The following IFT43 variants were observed in gnomAD, a reference collection of about 807,000 sequenced individuals.
IFT43 encodes intraflagellar transport protein 43 homolog.
A neutral mutation model predicts 32.3 loss-of-function variants in IFT43; 33 were observed. The ratio of observed to expected loss-of-function variants is 1.02; its 90% CI spans 0.77 to 1.37. IFT43 has a LOEUF of 1.37. Among genes scored for constraint, IFT43 ranks in the 40% most tolerant of loss-of-function variants. IFT43 has a pLI of 0.00. For synonymous variants in IFT43, 93 were observed against 98.2 expected (o/e 0.95, Z 0.31); for missense variants, 274 against 265.9 (o/e 1.03, Z -0.21).
In IFT43 at chr14:75,986,377, G is replaced by T; in HGVS notation, c.54+537G>T. 1.2e-5 allele frequency: 11 copies of T among 949,192 alleles called. No individual in the cohort carries two copies. The South Asian group carries it at 2.0e-4, about 17-fold the overall frequency. 58.8% of individuals were successfully genotyped at this position (949,192 alleles called of 1,614,324 possible). A position where few individuals can be genotyped will look rare whatever the true frequency, so the allele number is the denominator to read the frequency against. ...TAGTTAAGGAAACCAAGACCGATTT[G>T]TAACGTGAGGGAGTGATTAGGTGCT... is the stretch of plus-strand genomic sequence containing the variant. On this transcript the variant is annotated intron_variant, in intron 1 of 8. Coordinates refer to ENST00000314067, the MANE Select transcript of IFT43 (RefSeq NM_001102564.3).
intron 2 of IFT43, among the ~76,000 whole-genome samples, chr14:75,990,040 G>A (rs2035606867): frequency 6.6e-6 from 1 of 152,204 alleles, no homozygotes; most frequent in Non-Finnish European, 1.5e-5. Flanking sequence ...GATAACATCT[G>A]TGCTGGCCTA....
chr14:76,050,548 G>A (rs892437867), intron 3 of IFT43, among the ~76,000 whole-genome samples: 32 of 152,080 alleles, frequency 2.1e-4, no homozygotes, highest in African/African-American at 7.7e-4. Flanking sequence ...TCTTAAACTC[G>A]TGGGCTGAAG....
intron 2 of IFT43, among the ~76,000 whole-genome samples, chr14:76,005,620 TC>T (rs1224515414): frequency 6.6e-6 from 1 of 152,240 alleles, no homozygotes; most frequent in African/African-American, 2.4e-5. Flanking sequence ...CTCAGGATTT[TC>T]CCCTATTTCT....
At chr14:76,064,578 G>A in intron 5 of IFT43, among the ~76,000 whole-genome samples, 1 of 152,070 alleles carries the variant, frequency 6.6e-6, no homozygotes, top group Admixed American at 6.5e-5. Flanking sequence ...AGGCTGGTTA[G>A]TTGTAGTGTG....
At chr14:75,999,266 TATATA>T (rs2035829376) in intron 2 of IFT43, among the ~76,000 whole-genome samples, 16 of 25,342 alleles carry the variant, frequency 6.3e-4, no homozygotes, top group African/African-American at 1.1e-3. Flanking sequence ...TATATATATA[TATATA>T]TGTATATATA....
chr14:75,988,033 A>G (rs554938349), intron 1 of IFT43, among the ~76,000 whole-genome samples: 1 of 152,254 alleles, frequency 6.6e-6, no homozygotes, highest in African/African-American at 2.4e-5. Flanking sequence ...AATCCTGCGT[A>G]GGAACATGGG....
chr14:76,053,143 T>C (rs1002560976), intron 3 of IFT43, among the ~76,000 whole-genome samples: 2 of 152,204 alleles, frequency 1.3e-5, no homozygotes, highest in Admixed American at 6.5e-5. Flanking sequence ...TAATGTATAC[T>C]GTATAGGACA....
intron 5 of IFT43, among the ~76,000 whole-genome samples, chr14:76,066,461 G>C (rs2037225909): frequency 6.6e-6 from 1 of 152,298 alleles, no homozygotes; most frequent in East Asian, 1.9e-4. Flanking sequence ...CCATTTCACT[G>C]TATATGAATG....
intron 3 of IFT43, among the ~76,000 whole-genome samples, chr14:76,028,175 G>T (rs1247205411): frequency 6.6e-6 from 1 of 152,162 alleles, no homozygotes; most frequent in Non-Finnish European, 1.5e-5. Context: ...TCTAGGTGGT[G>T]ACCACTAGAT....
At chr14:76,058,422 C>A in intron 3 of IFT43, 1 of 498,270 alleles carries the variant, frequency 2.0e-6, no homozygotes, top group East Asian at 3.9e-5. Context: ...CTCAACAATC[C>A]AATTTGGAGT....
rs141866033 is a variant in IFT43, at chr14:76,083,280, A to T, written c.498A>T (p.Glu166Asp). Residue 166 changes from glutamate (E) to aspartate (D), a missense_variant, in exon 8 of 9, where the codon GAA becomes GAT. By Grantham distance (45) the Glu-to-Asp change is conservative. Transcript: ENST00000314067. ...CCAAAGTGCTCGCGCCGGAGCACGAAGTCCGGGAGGTACAGTGGTGGCAGC... is the reference window on the plus strand; with the variant it reads ...CCAAAGTGCTCGCGCCGGAGCACGATGTCCGGGAGGTACAGTGGTGGCAGC... ...LLTKVLAPEH[E>D]VREDDVGWDW... 38 of 1,613,584 alleles carry T rather than the reference A, an allele frequency of 2.4e-5. No homozygotes were observed. The highest frequency in any genetic ancestry group is 3.0e-5 in the Non-Finnish European group (35 of 1,179,610).
intron 3 of IFT43, among the ~76,000 whole-genome samples, chr14:76,045,606 C>G (rs1037031671): frequency 1.3e-5 from 2 of 152,204 alleles, no homozygotes; most frequent in Admixed American, 6.5e-5. Flanking sequence ...GGAGCTCTTT[C>G]CCTTTCTGCC....
At chr14:75,990,346 G>A in intron 2 of IFT43, among the ~76,000 whole-genome samples, 1 of 152,194 alleles carries the variant, frequency 6.6e-6, no homozygotes, top group East Asian at 1.9e-4. Flanking sequence ...ATATGGGCTG[G>A]ATTTGGTCCA....
chr14:75,990,411 A>G (rs2139864603), intron 2 of IFT43, among the ~76,000 whole-genome samples: 1 of 152,320 alleles, frequency 6.6e-6, no homozygotes, highest in Non-Finnish European at 1.5e-5. Context: ...TACTTATTAC[A>G]TTGTATTCTA....
At chr14:76,083,766 C>G (rs1276745373), downstream of IFT43, 1 of 712,468 alleles carries the variant, frequency 1.4e-6, no homozygotes, top group Admixed American at 2.0e-5. Context: ...TTTCCAGTCT[C>G]TTCTTGGAAA....
chr14:75,999,282 T>TATATA (rs1491301918), intron 2 of IFT43, among the ~76,000 whole-genome samples: 59 of 26,468 alleles, frequency 2.2e-3, no homozygotes, highest in Non-Finnish European at 2.4e-3. Context: ...TGTATATATA[T>TATATA]TTTTTTTTTT....
At chr14:76,009,110 T>A (rs1316042425) in intron 2 of IFT43, among the ~76,000 whole-genome samples, 1 of 152,232 alleles carries the variant, frequency 6.6e-6, no homozygotes, top group Non-Finnish European at 1.5e-5. Flanking sequence ...CCAGATTGGT[T>A]GTTTTCTATG....
chr14:76,058,175 G>A (rs377497078), intron 3 of IFT43: 1 of 234,324 alleles, frequency 4.3e-6, no homozygotes, highest in African/African-American at 2.3e-5. Context: ...TCCTTCGTGT[G>A]AAGGGCACAG....
At chr14:76,023,511 G>T (rs1017941551) in intron 3 of IFT43, among the ~76,000 whole-genome samples, 2 of 152,240 alleles carry the variant, frequency 1.3e-5, no homozygotes, top group African/African-American at 4.8e-5. Context: ...AAGGATCATT[G>T]TGAGGATTAA....
Sources: gnomAD v4.1 joint callset for allele counts (sites outside exome capture counted in the v4.1 genomes callset) on GRCh38, gnomAD v4.1.1 for gene constraint, MANE v1.5 for transcripts, NCBI Gene and HGNC (gene_info 2026-07-23, HGNC 2026-07-21) for gene names.